The following SHROOM2 variants were observed in gnomAD, a reference collection of about 807,000 sequenced individuals.
SHROOM2 encodes shroom family member 2.
In SHROOM2, 33 loss-of-function variants were observed where a neutral mutation model predicts 75.9. The observed-to-expected ratio is 0.43, with a 90% confidence interval of 0.33 to 0.58. The LOEUF (loss-of-function observed/expected upper bound fraction) is 0.58, where lower values mean the gene tolerates loss of function less well. Ranked by LOEUF, SHROOM2 falls within the 20% of genes least tolerant of loss-of-function variation. The pLI, the probability that SHROOM2 is intolerant of heterozygous loss-of-function variation, is 0.04. For synonymous variants in SHROOM2, 655 were observed against 663.6 expected, an observed-to-expected ratio of 0.99 and a Z score of 0.20; for missense variants, 1,434 against 1,461.2, an observed-to-expected ratio of 0.98 and a Z score of 0.30.
intron 1 of SHROOM2, among the ~76,000 whole-genome samples, chrX:9,827,549 C>A (rs1018516575): frequency 9.1e-6 from 1 of 109,386 alleles, no homozygotes; most frequent in East Asian, 2.9e-4. Context: ...TGGTTTGAGG[C>A]GAGGGAGCAC....
rs774495599 is a variant in SHROOM2, at chrX:9,821,257, C to T, written c.165+34547C>T. Among the ~76,000 whole-genome samples, 13 of 112,326 alleles carry T rather than the reference C, an allele frequency of 1.2e-4. No individual in the cohort carries two copies. In the East Asian group the frequency reaches 3.1e-3, roughly 26 times the overall value. On this transcript the variant is annotated intron_variant, in intron 1 of 9. Coordinates refer to ENST00000380913, the MANE Select transcript of SHROOM2 (RefSeq NM_001649.4). ...TAGCATGTGCAAAACCTCGGAATCA[C>T]GGTTGCTGGGACCCAGGGACCTGAA...
At chrX:9,897,392 A>G (rs2084338339) in intron 4 of SHROOM2, among the ~76,000 whole-genome samples, 2 of 110,303 alleles carry the variant, frequency 1.8e-5, no homozygotes, top group Non-Finnish European at 3.8e-5. Flanking sequence ...TCTCAAAGAA[A>G]AAAATGTTCC....
chrX:9,922,741 G>C (rs777179052), intron 5 of SHROOM2, among the ~76,000 whole-genome samples: 33 of 111,043 alleles, frequency 3.0e-4, no homozygotes, highest in Non-Finnish European at 6.0e-4. Flanking sequence ...TCTGGGAGCG[G>C]TGGACTGGCT....
intron 1 of SHROOM2, among the ~76,000 whole-genome samples, chrX:9,802,700 A>G (rs1384696449): frequency 9.0e-6 from 1 of 111,304 alleles, no homozygotes. Context: ...CTCAAATATT[A>G]AAGTCCTTTA....
rs1490348162 is a variant in SHROOM2 at position 9,932,222 on chromosome X, A to G, written c.2939A>G (p.His980Arg). ...CREGSPGSQQ[H>R]PPSQKAPNPP... is the part of the protein sequence containing the mutation. ...GAAGGCAGCCCAGGATCACAGCAGC[A>G]CCCACCGAGTCAGAAGGCACCGAAC... is the stretch of plus-strand genomic sequence containing the variant. Residue 980 changes from histidine (H) to arginine (R), a missense_variant, in exon 6 of 10, where the codon CAC (histidine) becomes CGC (arginine). By Grantham distance (29) the His-to-Arg change is conservative. Transcript: ENST00000380913. 1 of 1,157,902 alleles carries G rather than the reference A, an allele frequency of 8.6e-7. No homozygotes were observed. The highest frequency in any genetic ancestry group is 3.0e-5 in the East Asian group (1 of 33,022).
chrX:9,915,672 T>C lies in SHROOM2; in HGVS notation c.2892-16503T>C, dbSNP rs527789152. On this transcript the variant is annotated intron_variant, in intron 5 of 9. Coordinates refer to ENST00000380913, the MANE Select transcript of SHROOM2 (RefSeq NM_001649.4). Reference sequence around the variant, plus strand: ...AAAATTTTCAACATTTATACACGTGTGTGTGTATACACATATACATGCCCA... The same window carrying C: ...AAAATTTTCAACATTTATACACGTGCGTGTGTATACACATATACATGCCCA... Among the ~76,000 whole-genome samples the C allele has an allele frequency of 4.9e-4, 55 of 112,809 alleles. No individual in the cohort carries two copies. The South Asian group carries it at 0.018, about 37-fold the overall frequency.
chrX:9,787,992 C>CTTTTTTTTTTTTTTTTTTTT (rs58004470), intron 1 of SHROOM2, among the ~76,000 whole-genome samples: 8 of 84,230 alleles, frequency 9.5e-5, no homozygotes, highest in African/African-American at 2.9e-4. Context: ...TTTCTTTCTT[C>CTTTTTTTTTTTTTTTTTTTT]TTTTTTTTTT....
intron 2 of SHROOM2, among the ~76,000 whole-genome samples, chrX:9,887,474 T>C (rs965387119): frequency 1.1e-4 from 12 of 111,897 alleles, no homozygotes; most frequent in Non-Finnish European, 1.9e-4. Flanking sequence ...TAGCAAGACC[T>C]CATCTCTACA....
At chrX:9,916,945 A>T (rs2084495848) in intron 5 of SHROOM2, among the ~76,000 whole-genome samples, 1 of 111,868 alleles carries the variant, frequency 8.9e-6, no homozygotes, top group Admixed American at 9.5e-5. Flanking sequence ...CTGTGTGGCC[A>T]GTTCTGCCTT....
intron 1 of SHROOM2, among the ~76,000 whole-genome samples, chrX:9,828,124 C>T (rs1202237852): frequency 4.3e-4 from 48 of 112,778 alleles, no homozygotes; most frequent in Non-Finnish European, 7.9e-4. Flanking sequence ...GGGGAATACG[C>T]ACATCTTACG....
chrX:9,920,570 G>A (rs896829723), intron 5 of SHROOM2, among the ~76,000 whole-genome samples: 1 of 112,357 alleles, frequency 8.9e-6, no homozygotes, highest in Non-Finnish European at 1.9e-5. Context: ...AAATGAAAAT[G>A]TCTGCCACAG....
chrX:9,926,861 G>A (rs2084598692), intron 5 of SHROOM2, among the ~76,000 whole-genome samples: 1 of 110,963 alleles, frequency 9.0e-6, no homozygotes, highest in African/African-American at 3.3e-5. Context: ...CATTATGTAT[G>A]TGTAAATATT....
chrX:9,912,850 C>T (rs560253990), intron 5 of SHROOM2: 5 of 112,367 alleles, frequency 4.4e-5, no homozygotes, highest in East Asian at 5.6e-4. Context: ...GATTCCGGCT[C>T]GAGCTCCACA....
chrX:9,806,026 TG>T (rs1373489275), intron 1 of SHROOM2, among the ~76,000 whole-genome samples: 1 of 110,386 alleles, frequency 9.1e-6, no homozygotes, highest in Admixed American at 9.7e-5. Context: ...GAGGACACAG[TG>T]AGAAGGCGCC....
intron 1 of SHROOM2, among the ~76,000 whole-genome samples, chrX:9,858,740 G>C (rs750793386): frequency 2.7e-5 from 3 of 112,023 alleles, no homozygotes; most frequent in African/African-American, 9.7e-5. Flanking sequence ...AGGAGGCGGA[G>C]GTTGCAGTGA....
At chrX:9,911,535 G>C (rs2084425778) in intron 5 of SHROOM2, among the ~76,000 whole-genome samples, 1 of 110,560 alleles carries the variant, frequency 9.0e-6, no homozygotes, top group South Asian at 3.7e-4. Flanking sequence ...GGGAGGGTGG[G>C]ATAGGGCTGT....
intron 2 of SHROOM2, among the ~76,000 whole-genome samples, chrX:9,885,717 G>A (rs2084257250): frequency 9.0e-6 from 1 of 111,139 alleles, no homozygotes; most frequent in Admixed American, 9.6e-5. Flanking sequence ...CACTTTGAAA[G>A]ACCGAGGCAG....
intron 2 of SHROOM2, among the ~76,000 whole-genome samples, chrX:9,885,558 A>G (rs936508562): frequency 3.6e-5 from 4 of 111,655 alleles, no homozygotes; most frequent in African/African-American, 1.3e-4. Context: ...AAAAAAGCAT[A>G]TATATTAGTA....
chrX:9,929,189 C>T (rs185153621), intron 5 of SHROOM2, among the ~76,000 whole-genome samples: 96 of 109,809 alleles, frequency 8.7e-4, no homozygotes, highest in Middle Eastern at 9.3e-3. Context: ...TCCTTTTCTT[C>T]GTTTGTGTTG....
Sources: gnomAD v4.1 joint callset for allele counts (sites outside exome capture counted in the v4.1 genomes callset) on GRCh38, gnomAD v4.1.1 for gene constraint, MANE v1.5 for transcripts, NCBI Gene and HGNC (gene_info 2026-07-23, HGNC 2026-07-21) for gene names.